The following GPC6 variants were observed in gnomAD, a reference collection of about 807,000 sequenced individuals.
GPC6 encodes glypican 6.
In GPC6, 14 loss-of-function variants were observed where a neutral mutation model predicts 55.2. That is an observed-to-expected ratio of 0.25 (90% confidence interval 0.17 to 0.40). The LOEUF is 0.40. Ranked by LOEUF, GPC6 falls within the 10% of genes least tolerant of loss-of-function variation. The probability of loss-of-function intolerance (pLI) is 1.00; values close to 1 mark genes in which losing one functional copy is unlikely to be tolerated. For synonymous variants in GPC6, 278 were observed against 259.6 expected (o/e 1.07, Z -0.68); for missense variants, 641 against 708.5 (o/e 0.90, Z 1.08).
intron 1 of GPC6, among the ~76,000 whole-genome samples, chr13:93,403,453 G>A (rs1876168402): frequency 1.3e-5 from 2 of 152,260 alleles, no homozygotes; most frequent in South Asian, 4.1e-4. Flanking sequence ...CACGGATACC[G>A]TAGACAGCTA....
chr13:94,227,757 TG>T (rs566915269), intron 4 of GPC6, among the ~76,000 whole-genome samples: 107 of 152,296 alleles, frequency 7.0e-4, no homozygotes, highest in Middle Eastern at 3.4e-3. Context: ...CCATCCATGC[TG>T]GCTTTTGCTG....
chr13:93,973,642 C>T (rs895541770), intron 3 of GPC6, among the ~76,000 whole-genome samples: 20 of 152,030 alleles, frequency 1.3e-4, no homozygotes, highest in African/African-American at 4.8e-4. Flanking sequence ...TTTATTAAAA[C>T]GTTTGATGAA....
intron 3 of GPC6, among the ~76,000 whole-genome samples, chr13:93,844,161 A>G (rs1197997488): frequency 6.6e-6 from 1 of 151,976 alleles, no homozygotes; most frequent in East Asian, 1.9e-4. Context: ...TTTTTTTAAG[A>G]CAGAGTCTCG....
At chr13:93,387,520 G>T (rs1241610453) in intron 1 of GPC6, among the ~76,000 whole-genome samples, 1 of 152,074 alleles carries the variant, frequency 6.6e-6, no homozygotes, top group Non-Finnish European at 1.5e-5. Flanking sequence ...CTTTTTTATG[G>T]CTGCAGCCTA....
At chr13:94,272,810 G>A (rs1892087959) in intron 4 of GPC6, among the ~76,000 whole-genome samples, 1 of 152,006 alleles carries the variant, frequency 6.6e-6, no homozygotes, top group Non-Finnish European at 1.5e-5. Context: ...TTGTAGAGAA[G>A]GAGGCAGCGT....
At chr13:93,767,428 G>A (rs1885158391) in intron 2 of GPC6, among the ~76,000 whole-genome samples, 1 of 152,100 alleles carries the variant, frequency 6.6e-6, no homozygotes, top group Non-Finnish European at 1.5e-5. Flanking sequence ...AAGCAAATTT[G>A]TACTTTGAAC....
chr13:94,110,361 A>G (rs1456766306), intron 4 of GPC6, among the ~76,000 whole-genome samples: 2 of 152,130 alleles, frequency 1.3e-5, no homozygotes, highest in Non-Finnish European at 2.9e-5. Context: ...TGGTTCCTAA[A>G]CAGGGGACTA....
intron 2 of GPC6, among the ~76,000 whole-genome samples, chr13:93,624,196 T>C (rs541802501): frequency 6.6e-6 from 1 of 151,146 alleles, no homozygotes; most frequent in South Asian, 2.1e-4. Context: ...ATGGCCAATA[T>C]AGTGAATTTT....
In GPC6 at chr13:93,382,758, C is replaced by G. The variant is rs189384332; in HGVS notation, c.160+155142C>G. Among the ~76,000 whole-genome samples, 11 of 152,300 alleles carry G rather than the reference C, an allele frequency of 7.2e-5. 1 individual carries two copies. The East Asian group carries it at 2.1e-3, about 29-fold the overall frequency. On this transcript the variant is annotated intron_variant, in intron 1 of 8. Coordinates refer to ENST00000377047, the MANE Select transcript of GPC6 (RefSeq NM_005708.5). Reference sequence around the variant, plus strand: ...TTAGAAACAAATTACATTTTTATGTCTAGCATTGTTTCTCAAAGAAACATT... The same window carrying G: ...TTAGAAACAAATTACATTTTTATGTGTAGCATTGTTTCTCAAAGAAACATT...
intron 1 of GPC6, among the ~76,000 whole-genome samples, chr13:93,488,832 G>A (rs759596617): frequency 1.3e-5 from 2 of 151,908 alleles, no homozygotes; most frequent in Non-Finnish European, 2.9e-5. Flanking sequence ...TTTTTTTCTT[G>A]TACGTGTGTT....
intron 1 of GPC6, among the ~76,000 whole-genome samples, chr13:93,399,272 A>G (rs1200699818): frequency 6.6e-6 from 1 of 152,118 alleles, no homozygotes; most frequent in Non-Finnish European, 1.5e-5. Flanking sequence ...TCATACACCT[A>G]TTGCAATTTG....
chr13:93,940,455 T>C (rs1878679663), intron 3 of GPC6, among the ~76,000 whole-genome samples: 1 of 151,840 alleles, frequency 6.6e-6, no homozygotes, highest in Non-Finnish European at 1.5e-5. Context: ...GATGAATGGA[T>C]GAATATCAGA....
chr13:94,083,206 CCTCCCTGGT>C (rs1319705959), intron 4 of GPC6, among the ~76,000 whole-genome samples: 3 of 152,148 alleles, frequency 2.0e-5, no homozygotes, highest in African/African-American at 7.2e-5. Context: ...GCAAGCTCTG[CCTCCCTGGT>C]ACTTGCCATT....
In GPC6 at chr13:94,274,123, A is replaced by C. The variant is rs141143434; in HGVS notation, c.878-12226A>C. On this transcript the variant is annotated intron_variant, in intron 4 of 8. Transcript: ENST00000377047. ...ATGAAATACAAGGCATCATTCTCCT[A>C]AAAAGAAGCCAATGTCGGAAAATGA... 3.5e-4 allele frequency among the ~76,000 whole-genome samples: 53 copies of C among 152,340 alleles called. No individual in the cohort carries two copies. The East Asian group carries it at 0.01, about 29-fold the overall frequency.
intron 1 of GPC6, among the ~76,000 whole-genome samples, chr13:93,362,664 G>A (rs1881082127): frequency 1.3e-5 from 2 of 149,980 alleles, no homozygotes; most frequent in South Asian, 4.2e-4. Context: ...GAGTTTGGAA[G>A]TGACTTACTG....
At chr13:93,281,417 A>C (rs888553583) in intron 1 of GPC6, among the ~76,000 whole-genome samples, 5 of 152,226 alleles carry the variant, frequency 3.3e-5, no homozygotes, top group African/African-American at 1.2e-4. Context: ...GCTCCTGTAC[A>C]ATCAAAGGGA....
intron 1 of GPC6, among the ~76,000 whole-genome samples, chr13:93,273,298 TTTCAGTTGTAA>T (rs1190615143): frequency 1.3e-5 from 2 of 152,210 alleles, no homozygotes; most frequent in African/African-American, 2.4e-5. Flanking sequence ...ATTAGTATTA[TTTCAGTTGTAA>T]TAATAGACAT....
rs370779211 is a variant in GPC6, at chr13:94,327,976, C to T, written c.1152+21853C>T. ...AGCATGCTTCCTCCCCCTTCCCCTCCGATTTTGTTGGGAGAAAAAATAGGA... is the reference window on the plus strand; with the variant it reads ...AGCATGCTTCCTCCCCCTTCCCCTCTGATTTTGTTGGGAGAAAAAATAGGA... On this transcript the variant is annotated intron_variant, in intron 6 of 8. Coordinates refer to ENST00000377047, the MANE Select transcript of GPC6 (RefSeq NM_005708.5). Among the ~76,000 whole-genome samples the T allele has an allele frequency of 3.0e-4, 45 of 152,234 alleles. No homozygotes were observed. The East Asian group carries it at 4.8e-3, about 16-fold the overall frequency.
chr13:94,114,367 G>T (rs1283761541), intron 4 of GPC6, among the ~76,000 whole-genome samples: 2 of 152,118 alleles, frequency 1.3e-5, no homozygotes, highest in Non-Finnish European at 2.9e-5. Context: ...TTGAAGAATA[G>T]ATCTAATTTG....
Sources: gnomAD v4.1 joint callset for allele counts (sites outside exome capture counted in the v4.1 genomes callset) on GRCh38, gnomAD v4.1.1 for gene constraint, MANE v1.5 for transcripts, NCBI Gene and HGNC (gene_info 2026-07-23, HGNC 2026-07-21) for gene names.